Variants in FAM200B observed in about 807,000 individuals in gnomAD.
FAM200B encodes the protein zinc finger BED-type containing 11.
A neutral mutation model predicts 33.1 loss-of-function variants in FAM200B; 32 were observed. That is an observed-to-expected ratio of 0.97 (90% CI 0.73 to 1.30). The LOEUF (loss-of-function observed/expected upper bound fraction) is 1.30, where lower values mean the gene tolerates loss of function less well. Among genes scored for constraint, FAM200B ranks in the 50% most tolerant of loss-of-function variants. The pLI is 0.00. For synonymous variants in FAM200B, 240 were observed against 264.8 expected, an observed-to-expected ratio of 0.91 and a Z score of 0.91; for missense variants, 741 against 754.0, an observed-to-expected ratio of 0.98 and a Z score of 0.20.
Position 15,689,015 on chromosome 4 carries a change from A to G in FAM200B, c.*64A>G. ...TTATTTTGTAGTATTTTTCTATGTT[A>G]TATTTAAATGGTACTATAATACTGT... On this transcript the variant is annotated 3_prime_UTR_variant, in exon 2 of 2. Transcript: ENST00000422728. 1 of 1,217,064 alleles carries G rather than the reference A, an allele frequency of 8.2e-7. No homozygotes were observed. Among genetic ancestry groups the G allele is most frequent in the Non-Finnish European group, 1.1e-6 (1 of 914,512 alleles). 75.4% of individuals were successfully genotyped at this position (1,217,064 alleles called of 1,614,324 possible).
the FAM200B span, among the ~76,000 whole-genome samples, chr4:15,638,225 T>C: frequency 6.6e-6 from 1 of 152,342 alleles, no homozygotes; most frequent in African/African-American, 2.4e-5. Context: ...CAGTGCTCTG[T>C]ACTGGTGGTT....
chr4:15,645,177 T>G, the FAM200B span, among the ~76,000 whole-genome samples: 18 of 152,150 alleles, frequency 1.2e-4, no homozygotes, highest in African/African-American at 3.9e-4. Flanking sequence ...TGGAACATAA[T>G]CTAAGCTGTC....
At chr4:15,652,232 T>C in the FAM200B span, among the ~76,000 whole-genome samples, 4 of 152,154 alleles carry the variant, frequency 2.6e-5, no homozygotes, top group Non-Finnish European at 5.9e-5. Context: ...GAAAGGTCAG[T>C]GAATTAGCAG....
chr4:15,658,672 C>G, the FAM200B span, among the ~76,000 whole-genome samples: 1 of 152,150 alleles, frequency 6.6e-6, no homozygotes, highest in Non-Finnish European at 1.5e-5. Context: ...ACTTCTCAGC[C>G]CCACACTGTA....
At chr4:15,655,094 G>C in the FAM200B span, 1 of 855,392 alleles carries the variant, frequency 1.2e-6, no homozygotes, top group Non-Finnish European at 1.5e-6. Flanking sequence ...TACTCGCGCG[G>C]CGACGGCACG....
At position 15,688,926 on chromosome 4, in the gene FAM200B, T is replaced by C. The variant is rs761341372; in HGVS notation, c.1949T>C (p.Met650Thr). ...TGTGTTCCAGACTGGAATGAACTTA[T>C]GAACAGGCAAGCACACCCATCATAG... is the stretch of plus-strand genomic sequence containing the variant. Reference protein sequence around the residue: ...SSCVPDWNELMNRQAHPS With the variant: ...SSCVPDWNELTNRQAHPS The change falls in exon 2 of 2, where the codon ATG (methionine) becomes ACG (threonine). Residue 650 changes from methionine to threonine, a missense_variant. Physicochemically the swap from Met to Thr is moderately conservative, Grantham distance 81. Coordinates refer to ENST00000422728, the MANE Select transcript of FAM200B (RefSeq NM_001145191.2). 3.0e-4 allele frequency: 460 copies of C among 1,522,816 alleles called. No individual in the cohort carries two copies. Among genetic ancestry groups the C allele is most frequent in the Middle Eastern group, 3.4e-4 (2 of 5,870 alleles). The allele number at this position is 1,522,816 out of a possible 1,614,324, so 94.3% of individuals were successfully genotyped here. A position where few individuals can be genotyped will look rare whatever the true frequency, so the allele number is the denominator to read the frequency against.
the FAM200B span, chr4:15,659,841 TG>T: frequency 7.1e-5 from 37 of 523,766 alleles, no homozygotes; most frequent in Non-Finnish European, 8.6e-5. Context: ...TCCATGTGTA[TG>T]GCCTGAGGGA....
the FAM200B span, among the ~76,000 whole-genome samples, chr4:15,673,785 T>C: frequency 5.3e-5 from 8 of 152,344 alleles, no homozygotes; most frequent in South Asian, 1.7e-3. Context: ...CTGGCTGCAC[T>C]GGTTTCACCA....
At chr4:15,653,527 C>G in the FAM200B span, among the ~76,000 whole-genome samples, 1 of 152,166 alleles carries the variant, frequency 6.6e-6, no homozygotes, top group Admixed American at 6.5e-5. Context: ...AATGGACACA[C>G]GCACAAAATT....
the FAM200B span, among the ~76,000 whole-genome samples, chr4:15,647,968 T>G: frequency 3.3e-5 from 5 of 152,192 alleles, no homozygotes; most frequent in Admixed American, 6.5e-5. Flanking sequence ...ATCCTCCTGC[T>G]GGCCTCAGCC....
the FAM200B span, among the ~76,000 whole-genome samples, chr4:15,668,956 T>C: frequency 6.6e-6 from 1 of 152,224 alleles, no homozygotes; most frequent in East Asian, 1.9e-4. Flanking sequence ...TTGGAAGCAA[T>C]AGTTACTATA....
the FAM200B span, among the ~76,000 whole-genome samples, chr4:15,650,726 C>A: frequency 1.5e-5 from 2 of 136,538 alleles, no homozygotes; most frequent in Non-Finnish European, 3.0e-5. Context: ...GGAGTGCAAT[C>A]GCCAATTCCA....
At chr4:15,638,444 C>A in the FAM200B span, 1 of 1,237,258 alleles carries the variant, frequency 8.1e-7, no homozygotes, top group Middle Eastern at 2.0e-4. Context: ...ATCTACAGTT[C>A]ATATCAGTAA....
the FAM200B span, chr4:15,644,544 A>G: frequency 6.2e-7 from 1 of 1,614,030 alleles, no homozygotes; most frequent in Non-Finnish European, 8.5e-7. Flanking sequence ...CGGAGAGTTT[A>G]TTGTCAGAAT....
rs1454887002 is a variant in FAM200B at position 15,689,026 on chromosome 4, G to T, written c.*75G>T. On this transcript the variant is annotated 3_prime_UTR_variant, in exon 2 of 2. Coordinates refer to ENST00000422728, the MANE Select transcript of FAM200B (RefSeq NM_001145191.2). ...TATTTTTCTATGTTATATTTAAATG[G>T]TACTATAATACTGTGATACTTTTGT... 9.1e-7 allele frequency: 1 copy of T among 1,095,346 alleles called. No homozygotes were observed. Among genetic ancestry groups the T allele is most frequent in the Non-Finnish European group, 1.2e-6 (1 of 812,780 alleles). 67.9% of individuals were successfully genotyped at this position (1,095,346 alleles called of 1,614,324 possible).
At chr4:15,667,445 A>T in the FAM200B span, among the ~76,000 whole-genome samples, 1 of 152,184 alleles carries the variant, frequency 6.6e-6, no homozygotes, top group South Asian at 2.1e-4. Context: ...GAGACTAAGC[A>T]AAATCATATA....
chr4:15,647,080 G>A, the FAM200B span, among the ~76,000 whole-genome samples: 6 of 151,560 alleles, frequency 4.0e-5, no homozygotes, highest in African/African-American at 1.5e-4. Context: ...AAAATTAGCA[G>A]GGAGTGGTGG....
Position 15,687,001 on chromosome 4 carries a change from A to G in FAM200B, c.24A>G (p.Arg8=), listed in dbSNP as rs925659419. The G allele has an allele frequency of 7.1e-7, 1 of 1,411,248 alleles. No individual in the cohort carries two copies. The highest frequency in any genetic ancestry group is 1.5e-5 in the African/African-American group (1 of 68,248). 87.4% of individuals were successfully genotyped at this position (1,411,248 alleles called of 1,614,324 possible). The change falls in exon 2 of 2, where the codon AGA becomes AGG. Residue 8 remains arginine, a synonymous_variant. Coordinates refer to ENST00000422728, the MANE Select transcript of FAM200B (RefSeq NM_001145191.2). The part of the protein sequence containing the change: MDHFFIK[R]KRNSEVKYTE... ...AAATGGATCATTTCTTTATTAAAAG[A>G]AAGAGGAATAGTGAAGTGAAATATA...
At chr4:15,686,127 G>T (rs879267708) in intron 1 of FAM200B, 109 bp from the exon 2 acceptor site, 1 of 152,142 alleles carries the variant, frequency 6.6e-6, no homozygotes, top group Non-Finnish European at 1.5e-5. Context: ...GCTATAGACT[G>T]TTTGCCTCAC....
Sources: gnomAD v4.1 joint callset for allele counts (sites outside exome capture counted in the v4.1 genomes callset) on GRCh38, gnomAD v4.1.1 for gene constraint, MANE v1.5 for transcripts, NCBI Gene and HGNC (gene_info 2026-07-23, HGNC 2026-07-21) for gene names.